Variants in DLG2 observed in about 807,000 individuals in gnomAD.
DLG2 encodes disks large homolog 2.
A neutral mutation model predicts 132.5 loss-of-function variants in DLG2; 45 were observed. The observed-to-expected ratio is 0.34, with a 90% CI of 0.27 to 0.44. The LOEUF is 0.44. Ranked by LOEUF, DLG2 falls within the 20% of genes least tolerant of loss-of-function variation. DLG2 has a pLI of 1.00. For synonymous variants in DLG2, 424 were observed against 419.6 expected (o/e 1.01, Z -0.13); for missense variants, 1,045 against 1,196.9 (o/e 0.87, Z 1.87).
chr11:85,109,933 C>A (rs1298544865), intron 6 of DLG2, among the ~76,000 whole-genome samples: 2 of 152,028 alleles, frequency 1.3e-5, no homozygotes, highest in Admixed American at 6.6e-5. Flanking sequence ...ACCAAGAAAT[C>A]TGAGAGCTGT....
At chr11:85,029,641 C>G (rs534874984) in intron 6 of DLG2, among the ~76,000 whole-genome samples, 1 of 152,180 alleles carries the variant, frequency 6.6e-6, no homozygotes, top group Admixed American at 6.5e-5. Context: ...TAGCCTAAAG[C>G]TGCCTCCTTA....
At chr11:85,461,425 G>C (rs79213404) in intron 3 of DLG2, among the ~76,000 whole-genome samples, 3,798 of 152,270 alleles carry the variant, frequency 0.025, 78 homozygotes, top group South Asian at 0.057. Flanking sequence ...CAAGAAAACT[G>C]ACATTTGGGC....
chr11:83,897,200 C>T (rs369816366), intron 15 of DLG2, among the ~76,000 whole-genome samples: 3 of 152,140 alleles, frequency 2.0e-5, no homozygotes, highest in Non-Finnish European at 4.4e-5. Flanking sequence ...TGGATACATC[C>T]AACAGTGTGG....
At chr11:85,249,361 T>C (rs1301018031) in intron 4 of DLG2, among the ~76,000 whole-genome samples, 3 of 151,950 alleles carry the variant, frequency 2.0e-5, no homozygotes, top group Admixed American at 2.0e-4. Context: ...TAGCCTACTA[T>C]AATGTTATAA....
At chr11:84,897,267 G>C (rs2090330215) in intron 6 of DLG2, among the ~76,000 whole-genome samples, 1 of 148,554 alleles carries the variant, frequency 6.7e-6, no homozygotes, top group South Asian at 2.1e-4. Flanking sequence ...TGGTCTATAT[G>C]GGTAATTCAT....
intron 6 of DLG2, among the ~76,000 whole-genome samples, chr11:84,831,489 G>C (rs1416419085): frequency 1.3e-5 from 2 of 151,524 alleles, no homozygotes; most frequent in Non-Finnish European, 3.0e-5. Context: ...TCTCATTCAA[G>C]ATCACACAGC....
rs1034138244 is a variant in DLG2, at chr11:83,753,795, G to C, written c.1825+32895C>G. 2.0e-5 allele frequency among the ~76,000 whole-genome samples: 2 copies of C among 101,300 alleles called. 1 individual carries two copies. The highest frequency in any genetic ancestry group is 1.1e-4 in the African/African-American group (2 of 18,348). The allele number at this position is 101,300 out of a possible 152,430, so 66.5% of individuals were successfully genotyped here. A position where few individuals can be genotyped will look rare whatever the true frequency, so the allele number is the denominator to read the frequency against. On this transcript the variant is annotated intron_variant, in intron 18 of 27. Transcript: ENST00000376104. ...TATGGCATATATATGTCATATATATGATATATCATATATATCATATATATA... is the reference window on the plus strand; with the variant it reads ...TATGGCATATATATGTCATATATATCATATATCATATATATCATATATATA...
At chr11:83,877,234 G>T (rs888433229) in intron 15 of DLG2, among the ~76,000 whole-genome samples, 13 of 152,092 alleles carry the variant, frequency 8.5e-5, no homozygotes, top group African/African-American at 3.1e-4. Flanking sequence ...TGATGCATCA[G>T]ATTTGTAATG....
intron 19 of DLG2, among the ~76,000 whole-genome samples, chr11:83,594,179 G>A (rs960103240): frequency 2.6e-5 from 4 of 152,216 alleles, no homozygotes; most frequent in Non-Finnish European, 5.9e-5. Flanking sequence ...GAGCAAGTGT[G>A]TCAGGATGCA....
chr11:85,197,691 C>G (rs1389535359), intron 4 of DLG2, among the ~76,000 whole-genome samples: 2 of 152,104 alleles, frequency 1.3e-5, no homozygotes, highest in African/African-American at 2.4e-5. Context: ...AAATACCATA[C>G]CACAAGTCCT....
At chr11:84,025,353 A>G (rs1373455253) in intron 11 of DLG2, among the ~76,000 whole-genome samples, 1 of 152,004 alleles carries the variant, frequency 6.6e-6, no homozygotes, top group East Asian at 1.9e-4. Context: ...ATTCACTATC[A>G]CAACAACAGC....
chr11:84,666,531 T>C (rs2099699943), intron 6 of DLG2, among the ~76,000 whole-genome samples: 2 of 152,110 alleles, frequency 1.3e-5, no homozygotes, highest in Non-Finnish European at 2.9e-5. Context: ...TCTGTTTCTC[T>C]GGAGAAGTCT....
chr11:84,525,218 C>T lies in DLG2; in HGVS notation c.519+9352G>A, dbSNP rs933768575. Among the ~76,000 whole-genome samples the T allele has an allele frequency of 3.9e-5, 6 of 152,094 alleles. No individual in the cohort carries two copies. The East Asian group carries it at 5.8e-4, about 15-fold the overall frequency. ...ACGTCAAAGTTTCCATTTTCTAGAT[C>T]AGATCTTTATTTCAAACTGACTGTT... On this transcript the variant is annotated intron_variant, in intron 7 of 27. Transcript: ENST00000376104.
At chr11:85,300,129 TAA>T (rs1445488611) in intron 3 of DLG2, among the ~76,000 whole-genome samples, 1 of 152,118 alleles carries the variant, frequency 6.6e-6, no homozygotes, top group Non-Finnish European at 1.5e-5. Flanking sequence ...TCTGCTATGA[TAA>T]AAACTAACAG....
At position 83,820,376 on chromosome 11, in the gene DLG2, T is replaced by A. The variant is rs576079483; in HGVS notation, c.1722+13238A>T. Among the ~76,000 whole-genome samples, 11 of 152,306 alleles carry A rather than the reference T, an allele frequency of 7.2e-5. No homozygotes were observed. In the East Asian group the frequency reaches 1.9e-3, roughly 27 times the overall value. ...TATTATAATAATACCATCCCCTGCC[T>A]GTCTCAAGGTTGCCATAAGAATAAA... On this transcript the variant is annotated intron_variant, in intron 17 of 27. Coordinates refer to ENST00000376104, the MANE Select transcript of DLG2 (RefSeq NM_001142699.3).
intron 7 of DLG2, among the ~76,000 whole-genome samples, chr11:84,348,803 C>G (rs1215593621): frequency 2.0e-5 from 3 of 152,108 alleles, no homozygotes; most frequent in Non-Finnish European, 4.4e-5. Flanking sequence ...ACAGGGATAT[C>G]ACCATATGAA....
intron 10 of DLG2, among the ~76,000 whole-genome samples, chr11:84,070,716 G>A (rs1843782067): frequency 6.6e-6 from 1 of 152,202 alleles, no homozygotes; most frequent in South Asian, 2.1e-4. Flanking sequence ...TTATAAGCTA[G>A]ATATGAATTC....
intron 3 of DLG2, among the ~76,000 whole-genome samples, chr11:85,423,210 C>A (rs2090455806): frequency 6.6e-6 from 1 of 152,184 alleles, no homozygotes; most frequent in Admixed American, 6.5e-5. Flanking sequence ...TATTATCACT[C>A]TTCTGGGTCT....
At chr11:84,849,654 A>G (rs2081947423) in intron 6 of DLG2, among the ~76,000 whole-genome samples, 1 of 152,046 alleles carries the variant, frequency 6.6e-6, no homozygotes, top group Admixed American at 6.6e-5. Flanking sequence ...TTCAAATGTC[A>G]CTTCCTCAGA....
Sources: gnomAD v4.1 joint callset for allele counts (sites outside exome capture counted in the v4.1 genomes callset) on GRCh38, gnomAD v4.1.1 for gene constraint, MANE v1.5 for transcripts, NCBI Gene and HGNC (gene_info 2026-07-23, HGNC 2026-07-21) for gene names.